Variants in ROR1 observed in about 807,000 individuals in gnomAD.
ROR1 encodes the protein inactive tyrosine-protein kinase transmembrane receptor ROR1.
Under a neutral mutation model 78.8 loss-of-function variants are expected in ROR1, and 19 were observed. The observed-to-expected ratio is 0.24, with a 90% CI of 0.17 to 0.35. The LOEUF (loss-of-function observed/expected upper bound fraction) is 0.35. ROR1 is among the 10% of genes least tolerant of loss of function. The pLI is 1.00. For missense variants in ROR1, 917 were observed against 1,177.8 expected, an observed-to-expected ratio of 0.78 and a Z score of 3.24; for synonymous variants, 386 against 433.6, an observed-to-expected ratio of 0.89 and a Z score of 1.36.
chr1:63,906,781 T>G (rs932101985), intron 1 of ROR1, among the ~76,000 whole-genome samples: 2 of 152,226 alleles, frequency 1.3e-5, no homozygotes, highest in Non-Finnish European at 2.9e-5. Flanking sequence ...TGAAATACCA[T>G]TCTCCATTTT....
chr1:64,019,166 T>G (rs1409378097), intron 2 of ROR1, among the ~76,000 whole-genome samples: 2 of 152,172 alleles, frequency 1.3e-5, no homozygotes, highest in East Asian at 3.9e-4. Flanking sequence ...AATCACTGCT[T>G]TAGAGTTCTT....
At chr1:64,026,006 G>T (rs943524681) in intron 2 of ROR1, among the ~76,000 whole-genome samples, 10 of 152,146 alleles carry the variant, frequency 6.6e-5, no homozygotes, top group Non-Finnish European at 1.2e-4. Context: ...TCCCCCAAAA[G>T]GTATGGAAAT....
chr1:64,001,473 A>G (rs1181669972), intron 1 of ROR1, among the ~76,000 whole-genome samples: 2 of 152,212 alleles, frequency 1.3e-5, no homozygotes, highest in Admixed American at 1.3e-4. Context: ...AGAACTATAT[A>G]TACATATTTT....
At chr1:64,029,751 A>G (rs1646644788) in intron 2 of ROR1, among the ~76,000 whole-genome samples, 1 of 151,926 alleles carries the variant, frequency 6.6e-6, no homozygotes, top group South Asian at 2.1e-4. Flanking sequence ...TCTCCTAAAA[A>G]CCCTGTCTCC....
chr1:63,872,864 C>G (rs1645260925), intron 1 of ROR1, among the ~76,000 whole-genome samples: 1 of 152,110 alleles, frequency 6.6e-6, no homozygotes, highest in African/African-American at 2.4e-5. Context: ...GTCACAATCT[C>G]TTGGTTTCTT....
intron 1 of ROR1, among the ~76,000 whole-genome samples, chr1:63,889,239 CTA>C (rs1260406155): frequency 6.7e-6 from 1 of 148,182 alleles, no homozygotes; most frequent in Non-Finnish European, 1.5e-5. Flanking sequence ...GCCATCACTT[CTA>C]CCATATACTA....
chr1:63,974,448 T>C (rs1569999394), intron 1 of ROR1, among the ~76,000 whole-genome samples: 1 of 152,318 alleles, frequency 6.6e-6, no homozygotes, highest in East Asian at 1.9e-4. Context: ...GAGGTGTTTT[T>C]CATTGTTGTT....
chr1:63,807,302 T>G (rs1483509333), intron 1 of ROR1, among the ~76,000 whole-genome samples: 1 of 152,146 alleles, frequency 6.6e-6, no homozygotes. Context: ...GTTTGGGAAA[T>G]TAAGGTTCAG....
chr1:64,059,243 G>C (rs934164227), intron 4 of ROR1, among the ~76,000 whole-genome samples: 2 of 151,824 alleles, frequency 1.3e-5, no homozygotes, highest in African/African-American at 4.8e-5. Context: ...AATTTTGTTG[G>C]CAAAGAACTA....
intron 8 of ROR1, among the ~76,000 whole-genome samples, chr1:64,160,837 G>T (rs762679050): frequency 6.6e-6 from 1 of 152,136 alleles, no homozygotes; most frequent in Admixed American, 6.5e-5. Context: ...AACTCTGGGC[G>T]GGGGAGAGAC....
chr1:63,921,850 G>A (rs1472546336), intron 1 of ROR1, among the ~76,000 whole-genome samples: 1 of 152,172 alleles, frequency 6.6e-6, no homozygotes, highest in Non-Finnish European at 1.5e-5. Context: ...CTGCAGAAGT[G>A]AGACAGGATG....
intron 1 of ROR1, among the ~76,000 whole-genome samples, chr1:63,973,484 A>G (rs1346938263): frequency 1.3e-5 from 2 of 152,182 alleles, no homozygotes; most frequent in African/African-American, 4.8e-5. Context: ...AATCCGTGAC[A>G]ATCTGTTTGG....
chr1:64,151,875 T>G (rs2100722742), intron 7 of ROR1, among the ~76,000 whole-genome samples: 1 of 75,512 alleles, frequency 1.3e-5, no homozygotes, highest in African/African-American at 3.8e-5. Flanking sequence ...AGAGCGACAC[T>G]CCGTCTCAAA....
chr1:64,172,551 A>G (rs549355087), intron 8 of ROR1, among the ~76,000 whole-genome samples: 1 of 152,306 alleles, frequency 6.6e-6, no homozygotes, highest in East Asian at 1.9e-4. Context: ...TTGTCCTTCA[A>G]CTAATGGAGG....
chr1:63,972,630 G>A (rs1025135125), intron 1 of ROR1, among the ~76,000 whole-genome samples: 1 of 152,172 alleles, frequency 6.6e-6, no homozygotes, highest in African/African-American at 2.4e-5. Flanking sequence ...TAAGGTGGGT[G>A]GCATACGATT....
intron 1 of ROR1, among the ~76,000 whole-genome samples, chr1:63,915,919 T>TC (rs1362107242): frequency 1.3e-5 from 2 of 152,006 alleles, no homozygotes; most frequent in Non-Finnish European, 2.9e-5. Context: ...CTGTGTGGGA[T>TC]CCCCCATCTA....
At chr1:63,912,756 C>G (rs1393449116) in intron 1 of ROR1, among the ~76,000 whole-genome samples, 1 of 152,136 alleles carries the variant, frequency 6.6e-6, no homozygotes, top group African/African-American at 2.4e-5. Context: ...ACGGGCTGTT[C>G]TCATCTGATA....
chr1:63,859,757 C>T (rs1359973557), intron 1 of ROR1, among the ~76,000 whole-genome samples: 1 of 152,168 alleles, frequency 6.6e-6, no homozygotes, highest in African/African-American at 2.4e-5. Context: ...CTAGAAAGTG[C>T]AAAGGCTTCA....
In ROR1 at chr1:63,952,119, C is replaced by T. The variant is rs542038793; in HGVS notation, c.92-57186C>T. Reference sequence around the variant, plus strand: ...CAAGGGGGGATATAGGGTTAGGGTACGATGGGGTGGTAAAGTGTAGCTGTT... The same window carrying T: ...CAAGGGGGGATATAGGGTTAGGGTATGATGGGGTGGTAAAGTGTAGCTGTT... On this transcript the variant is annotated intron_variant, in intron 1 of 8. Coordinates refer to ENST00000371079, the MANE Select transcript of ROR1 (RefSeq NM_005012.4). Among the ~76,000 whole-genome samples the T allele has an allele frequency of 2.6e-5, 4 of 152,008 alleles. No individual in the cohort carries two copies. The East Asian group carries it at 5.8e-4, about 22-fold the overall frequency.
Sources: gnomAD v4.1 joint callset for allele counts (sites outside exome capture counted in the v4.1 genomes callset) on GRCh38, gnomAD v4.1.1 for gene constraint, MANE v1.5 for transcripts, NCBI Gene and HGNC (gene_info 2026-07-23, HGNC 2026-07-21) for gene names.